LRCH1: variants seen among roughly 807,000 people sequenced by gnomAD.
The protein encoded by LRCH1 is leucine rich repeats and calponin homology domain containing 1.
Under a neutral mutation model 94.9 loss-of-function variants are expected in LRCH1, and 23 were observed. The observed-to-expected ratio is 0.24, with a 90% CI of 0.17 to 0.34. The LOEUF is 0.34. LRCH1 is among the 10% of genes least tolerant of loss of function. The pLI is 1.00. For synonymous variants in LRCH1, 364 were observed against 354.9 expected, an observed-to-expected ratio of 1.03 and a Z score of -0.29; for missense variants, 790 against 945.9, an observed-to-expected ratio of 0.84 and a Z score of 2.16.
chr13:46,701,877 G>T (rs1186797838), intron 11 of LRCH1, among the ~76,000 whole-genome samples: 1 of 152,170 alleles, frequency 6.6e-6, no homozygotes, highest in Non-Finnish European at 1.5e-5. Context: ...AACTGATGTG[G>T]TCTTATAATA....
intron 2 of LRCH1, among the ~76,000 whole-genome samples, chr13:46,660,420 G>GTA (rs141615368): frequency 0.018 from 2,757 of 151,878 alleles, 75 homozygotes; most frequent in African/African-American, 0.062. Flanking sequence ...AAAAAAAAAT[G>GTA]TATATATATA....
rs1873791835 is a variant in LRCH1, at chr13:46,743,879, A to G, written c.*2031A>G. ...GTTAAAGACAAATTAAAAGACATTT[A>G]TATTTTAATTCTGGCATCCAAAGTA... is the stretch of plus-strand genomic sequence containing the variant. On this transcript the variant is annotated 3_prime_UTR_variant, in exon 20 of 20. Transcript: ENST00000389797. The G allele has an allele frequency of 1.0e-6, 1 of 984,418 alleles. No homozygotes were observed. Among genetic ancestry groups the G allele is most frequent in the African/African-American group, 1.7e-5 (1 of 57,350 alleles). The allele number at this position is 984,418 out of a possible 1,614,324, so 61.0% of individuals were successfully genotyped here.
At position 46,739,465 on chromosome 13, in the gene LRCH1, A is replaced by G. The variant is rs189987106; in HGVS notation, c.2086-2177A>G. On this transcript the variant is annotated intron_variant, in intron 19 of 19. Transcript: ENST00000389797. Reference sequence around the variant, plus strand: ...TTAGCATTTTCCAATTTTAATTTTCATAAAGAAATAAAGTATAATCTCTAC... The same window carrying G: ...TTAGCATTTTCCAATTTTAATTTTCGTAAAGAAATAAAGTATAATCTCTAC... 5.5e-3 allele frequency among the ~76,000 whole-genome samples: 843 copies of G among 152,294 alleles called. 6 individuals are homozygous for G. Among genetic ancestry groups the G allele is most frequent in the Non-Finnish European group, 9.3e-3 (635 of 68,024 alleles).
Position 46,711,823 on chromosome 13 carries a change from G to T in LRCH1, c.1560G>T (p.Gly520=), listed in dbSNP as rs776500611. ...VQSDLTLQSN[G]SQYSPNEIRE... is the part of the protein sequence containing the mutation. ...GTGATCTAACATTACAGAGTAACGGGAGCCAGTATTCTCCAAATGAGGTAA... is the reference window on the plus strand; with the variant it reads ...GTGATCTAACATTACAGAGTAACGGTAGCCAGTATTCTCCAAATGAGGTAA... Residue 520 remains glycine (G), a synonymous_variant, in exon 14 of 20, where the codon GGG becomes GGT. Coordinates refer to ENST00000389797, the MANE Select transcript of LRCH1 (RefSeq NM_001164211.2). The T allele has an allele frequency of 1.2e-6, 2 of 1,613,122 alleles. No homozygotes were observed. The highest frequency in any genetic ancestry group is 1.3e-5 in the African/African-American group (1 of 74,870).
At chr13:46,607,583 C>T (rs935722251) in intron 1 of LRCH1, among the ~76,000 whole-genome samples, 4 of 151,780 alleles carry the variant, frequency 2.6e-5, no homozygotes, top group African/African-American at 9.7e-5. Context: ...TTGTTCTTCT[C>T]CTTCTCCTTT....
chr13:46,570,057 T>C (rs1348315151), intron 1 of LRCH1, among the ~76,000 whole-genome samples: 1 of 152,202 alleles, frequency 6.6e-6, no homozygotes, highest in Non-Finnish European at 1.5e-5. Flanking sequence ...AGAATGATAA[T>C]AGCTTCATTT....
chr13:46,635,305 C>T (rs1411193327), intron 1 of LRCH1, among the ~76,000 whole-genome samples: 2 of 152,186 alleles, frequency 1.3e-5, no homozygotes, highest in Non-Finnish European at 2.9e-5. Context: ...TGCCTCTCAG[C>T]TAACGGGGCT....
At chr13:46,611,762 C>T (rs1006023956) in intron 1 of LRCH1, among the ~76,000 whole-genome samples, 1 of 152,066 alleles carries the variant, frequency 6.6e-6, no homozygotes, top group Non-Finnish European at 1.5e-5. Context: ...ATTTTTGGTA[C>T]ATTAGGTTAA....
At chr13:46,691,655 C>T (rs1371154598) in intron 7 of LRCH1, among the ~76,000 whole-genome samples, 2 of 152,126 alleles carry the variant, frequency 1.3e-5, no homozygotes, top group African/African-American at 4.8e-5. Flanking sequence ...AAGAAAGCAA[C>T]GAGGTTGGGG....
intron 1 of LRCH1, among the ~76,000 whole-genome samples, chr13:46,570,400 T>G (rs2050229202): frequency 6.6e-6 from 1 of 152,130 alleles, no homozygotes; most frequent in South Asian, 2.1e-4. Context: ...AAGAATCAGA[T>G]CTCCAAAAAA....
intron 1 of LRCH1, among the ~76,000 whole-genome samples, chr13:46,614,577 C>T (rs977775126): frequency 6.6e-6 from 1 of 152,154 alleles, no homozygotes; most frequent in African/African-American, 2.4e-5. Flanking sequence ...AATCTGATCT[C>T]TAGTGGTAAA....
chr13:46,578,542 G>A (rs1191599028), intron 1 of LRCH1, among the ~76,000 whole-genome samples: 1 of 152,126 alleles, frequency 6.6e-6, no homozygotes, highest in Non-Finnish European at 1.5e-5. Flanking sequence ...CTTGCTGGAT[G>A]GTAAGAACCA....
At chr13:46,673,906 A>G (rs2051636943) in intron 3 of LRCH1, among the ~76,000 whole-genome samples, 1 of 152,072 alleles carries the variant, frequency 6.6e-6, no homozygotes, top group African/African-American at 2.4e-5. Flanking sequence ...TCAGCCTCCC[A>G]ACTAGCTGGG....
chr13:46,626,337 C>T (rs2050949584), intron 1 of LRCH1, among the ~76,000 whole-genome samples: 1 of 152,142 alleles, frequency 6.6e-6, no homozygotes, highest in African/African-American at 2.4e-5. Context: ...ACGTATACAT[C>T]CAGATGGCCT....
chr13:46,586,593 T>C (rs2137953018), intron 1 of LRCH1, among the ~76,000 whole-genome samples: 1 of 152,264 alleles, frequency 6.6e-6, no homozygotes, highest in African/African-American at 2.4e-5. Flanking sequence ...GATTGTTGTA[T>C]TTTTAGTAGA....
rs534099767 is a variant in LRCH1 at position 46,680,142 on chromosome 13, A to G, written c.580-1599A>G. On this transcript the variant is annotated intron_variant, in intron 3 of 19. Transcript: ENST00000389797. ...TCTCACTGGAATCATTTGTATCTTT[A>G]GTTCTGTGATGCCAAGTGGGACCTG... 2.0e-5 allele frequency: 3 copies of G among 152,348 alleles called. No individual in the cohort carries two copies. The South Asian group carries it at 6.2e-4, about 32-fold the overall frequency. 9.4% of individuals were successfully genotyped at this position (152,348 alleles called of 1,614,324 possible).
chr13:46,727,901 A>G (rs1048753308), intron 17 of LRCH1, among the ~76,000 whole-genome samples: 1 of 148,546 alleles, frequency 6.7e-6, no homozygotes. Flanking sequence ...AGAGAAAAAC[A>G]TTTCTTTCTT....
chr13:46,573,866 A>ATATATATATATATATATTTTTTTT, intron 1 of LRCH1, among the ~76,000 whole-genome samples: 9 of 63,386 alleles, frequency 1.4e-4, no homozygotes, highest in East Asian at 6.6e-4. Flanking sequence ...ATATATATAT[A>ATATATATATATATATATTTTTTTT]TTTTTTTTTT....
At chr13:46,571,881 T>A (rs936451370) in intron 1 of LRCH1, among the ~76,000 whole-genome samples, 1 of 150,910 alleles carries the variant, frequency 6.6e-6, no homozygotes, top group Non-Finnish European at 1.5e-5. Flanking sequence ...TATGTGTGTG[T>A]GAGAGAGAGA....
Sources: allele counts gnomAD v4.1 joint callset (sites outside exome capture counted in the v4.1 genomes callset), GRCh38; gene constraint gnomAD v4.1.1; transcripts MANE v1.5; gene names NCBI Gene and HGNC (gene_info 2026-07-23, HGNC 2026-07-21).